Variants in KRT25 observed in about 807,000 individuals in gnomAD.
The protein encoded by KRT25 is keratin 25, also known as keratin, type I cytoskeletal 25.
A neutral mutation model predicts 47.6 loss-of-function variants in KRT25; 37 were observed. That is an observed-to-expected ratio of 0.78 (90% CI 0.60 to 1.02). The LOEUF (loss-of-function observed/expected upper bound fraction) is 1.02. KRT25 is among the 50% of genes least tolerant of loss of function. The probability of loss-of-function intolerance (pLI) is 0.00; values close to 1 mark genes in which losing one functional copy is unlikely to be tolerated. For missense variants in KRT25, 542 were observed against 550.3 expected (o/e 0.98, Z 0.15); for synonymous variants, 203 against 210.2 (o/e 0.97, Z 0.30).
chr17:40,751,306 G>C lies in KRT25; in HGVS notation c.690C>G (p.Cys230Trp), dbSNP rs778923702. The C allele has an allele frequency of 7.4e-6, 12 of 1,612,512 alleles. No homozygotes were observed. The highest frequency in any genetic ancestry group is 9.3e-6 in the Non-Finnish European group (11 of 1,179,276). ...NHKEEMQVLQ[C>W]AAGGNVNVEM... ...CCACGTTCACGTTGCCTCCAGCTGC[G>C]CACTGCAGAACTTGCATTTCCTAGA... Residue 230 changes from cysteine (C) to tryptophan (W), a missense_variant, in exon 4 of 8, where the codon TGC becomes TGG. Physicochemically the swap from Cys to Trp is radical, Grantham distance 215. Coordinates refer to ENST00000312150, the MANE Select transcript of KRT25 (RefSeq NM_181534.4).
chr17:40,752,746 A>G (rs1435014097), intron 3 of KRT25, among the ~76,000 whole-genome samples: 1 of 152,194 alleles, frequency 6.6e-6, no homozygotes, highest in Non-Finnish European at 1.5e-5. Flanking sequence ...GAATCCACGT[A>G]GTCAAATCAA....
At position 40,750,997 on chromosome 17, in the gene KRT25, G is replaced by A. The variant is rs147568694; in HGVS notation, c.914C>T (p.Thr305Ile). The A allele has an allele frequency of 6.2e-7, 1 of 1,614,072 alleles. No homozygotes were observed. Among genetic ancestry groups the A allele is most frequent in the African/African-American group, 1.3e-5 (1 of 74,916 alleles). The change falls in exon 5 of 8, where the codon ACT (threonine) becomes ATT (isoleucine). Residue 305 changes from threonine (T) to isoleucine (I), a missense_variant. Thr to Ile is a moderately conservative substitution (Grantham distance 89). Coordinates refer to ENST00000312150, the MANE Select transcript of KRT25 (RefSeq NM_181534.4). ...ARNELTEMKR[T>I]LQTLEIELQS... ...AAGTTCAATTTCCAGGGTTTGAAGA[G>A]TGCGCTTCATTTCAGTCAGCTCATT...
In KRT25 at chr17:40,750,409, G is replaced by A; in HGVS notation, c.1146C>T (p.Thr382=). Residue 382 remains threonine, a synonymous_variant, in exon 6 of 8, where the codon ACC becomes ACT. Transcript: ENST00000312150. The part of the protein sequence containing the change: ...IKLHLEKEIE[T]YCLLIGGDDG... ...CATCTCCTCCTATAAGGAGACAGTA[G>A]GTCTCAATTTCTTTTTCCAGGTGGA... 1 of 1,613,854 alleles carries A rather than the reference G, an allele frequency of 6.2e-7. No homozygotes were observed. Among genetic ancestry groups the A allele is most frequent in the Non-Finnish European group, 8.5e-7 (1 of 1,179,828 alleles).
rs780150572 is a variant in KRT25 at position 40,751,050 on chromosome 17, C to T, written c.861G>A (p.Glu287=). ...KSASLQQQIS[E]DVGATTSARN... is the part of the protein sequence containing the mutation. The stretch of plus-strand genomic sequence containing the variant: ...GGGCTGAGGTTGTGGCTCCGACATC[C>T]TCAGAGATCTGCTGCTGCAGGGAGG... The change falls in exon 5 of 8, where the codon GAG becomes GAA. Residue 287 remains glutamate, a synonymous_variant. Coordinates refer to ENST00000312150, the MANE Select transcript of KRT25 (RefSeq NM_181534.4). 19 of 1,614,158 alleles carry T rather than the reference C, an allele frequency of 1.2e-5. No homozygotes were observed. Among genetic ancestry groups the T allele is most frequent in the Admixed American group, 1.7e-5 (1 of 60,026 alleles).
At chr17:40,750,619 A>G in intron 5 of KRT25, 22 bp from the exon 6 acceptor site, 1 of 1,613,166 alleles carries the variant, frequency 6.2e-7, no homozygotes, top group South Asian at 1.1e-5. Context: ...CAATAAAGAG[A>G]ACTTGAAATG....
intron 3 of KRT25, among the ~76,000 whole-genome samples, chr17:40,752,862 T>C (rs2038062855): frequency 1.3e-5 from 2 of 152,224 alleles, no homozygotes; most frequent in South Asian, 4.1e-4. Context: ...AGAAGTCTTT[T>C]GGCTATTTAA....
chr17:40,750,783 A>G (rs1448230317), intron 5 of KRT25, among the ~76,000 whole-genome samples, 171 bp downstream of exon 5: 1 of 152,218 alleles, frequency 6.6e-6, no homozygotes, highest in Non-Finnish European at 1.5e-5. Flanking sequence ...GAATAAACCT[A>G]AAGACATTCG....
In KRT25 at chr17:40,749,265, T is replaced by C; in HGVS notation, c.1236A>G (p.Gln412=). 6.2e-7 allele frequency: 1 copy of C among 1,611,998 alleles called. No homozygotes were observed. Residue 412 remains glutamine, a synonymous_variant, in exon 7 of 8, where the codon CAA becomes CAG. Coordinates refer to ENST00000312150, the MANE Select transcript of KRT25 (RefSeq NM_181534.4). ...KDYGSGNVGS[Q]VKDPAKAIVV... ...AGATTTCATTTTAATTACCTTTGAC[T>C]TGACTTCCCACATTTCCAGATCCAT...
At position 40,748,237 on chromosome 17, in the gene KRT25, G is replaced by A. The variant is rs377688120; in HGVS notation, c.*40C>T. On this transcript the variant is annotated 3_prime_UTR_variant, in exon 8 of 8. Transcript: ENST00000312150. The stretch of plus-strand genomic sequence containing the variant: ...GACAGATACATAATGCCTTTTCTTC[G>A]CAGGGGCTATGTGGCATACGTTCTC... 1.6e-4 allele frequency: 211 copies of A among 1,322,342 alleles called. 1 individual carries two copies. The highest frequency in any genetic ancestry group is 2.8e-4 in the South Asian group (22 of 77,390). The allele number at this position is 1,322,342 out of a possible 1,614,324, so 81.9% of individuals were successfully genotyped here. A position where few individuals can be genotyped will look rare whatever the true frequency, so the allele number is the denominator to read the frequency against.
At chr17:40,754,296 T>C (rs937211646) in intron 2 of KRT25, 90 bp downstream of exon 2, 1 of 1,076,516 alleles carries the variant, frequency 9.3e-7, no homozygotes, top group South Asian at 1.3e-5. Flanking sequence ...AATTCAAGTG[T>C]TTTATAATTT....
At position 40,751,163 on chromosome 17, in the gene KRT25, A is replaced by G; in HGVS notation, c.831+2T>C. 6.2e-7 allele frequency: 1 copy of G among 1,613,998 alleles called. No homozygotes were observed. Among genetic ancestry groups the G allele is most frequent in the South Asian group, 1.1e-5 (1 of 91,068 alleles). ...AGGGACCGTTTTCTGGAGGAGAGTC[A>G]CCTTCTCGTTGAACCAGGCCTCCGC... On this transcript the variant is annotated splice_donor_variant, in intron 4 of 7. Coordinates refer to ENST00000312150, the MANE Select transcript of KRT25 (RefSeq NM_181534.4). LOFTEE classifies it high-confidence loss of function.
chr17:40,754,344 A>C (rs2038083983), intron 2 of KRT25, 42 bp downstream of exon 2: 4 of 1,496,340 alleles, frequency 2.7e-6, no homozygotes, highest in East Asian at 2.3e-5. Context: ...AATGCGTTGC[A>C]TGAATTGCCA....
intron 4 of KRT25, 38 bp downstream of exon 4, chr17:40,751,127 G>C (rs371155099): frequency 2.5e-5 from 41 of 1,613,976 alleles, no homozygotes; most frequent in Non-Finnish European, 3.0e-5. Flanking sequence ...GTGAATACCA[G>C]TAACATGCAA....
At chr17:40,755,393 C>T (rs965616311), upstream of KRT25, 2 of 898,262 alleles carry the variant, frequency 2.2e-6, no homozygotes, top group Non-Finnish European at 3.3e-6. Context: ...GAATGAAATT[C>T]TGCCTACACA....
chr17:40,754,868 G>T lies in KRT25; in HGVS notation c.404C>A (p.Pro135Gln), dbSNP rs1475497881. 2 of 1,612,726 alleles carry T rather than the reference G, an allele frequency of 1.2e-6. No homozygotes were observed. Among genetic ancestry groups the T allele is most frequent in the Admixed American group, 1.7e-5 (1 of 59,848 alleles). ...GLDHDYSRYF[P>Q]IIDDLKNQII... ...CTGATTTTTAAGGTCATCAATTATT[G>T]GGAAATATCTGCTATAGTCATGATC... Residue 135 changes from proline to glutamine, a missense_variant, in exon 1 of 8, where the codon CCA becomes CAA. Coordinates refer to ENST00000312150, the MANE Select transcript of KRT25 (RefSeq NM_181534.4).
At chr17:40,749,678 A>G (rs940457994) in intron 6 of KRT25, among the ~76,000 whole-genome samples, 1 of 152,180 alleles carries the variant, frequency 6.6e-6, no homozygotes, top group Non-Finnish European at 1.5e-5. Flanking sequence ...ATAGCTGTGT[A>G]AGGATTTACA....
chr17:40,752,056 T>G (rs193183196), intron 3 of KRT25, among the ~76,000 whole-genome samples: 4 of 152,238 alleles, frequency 2.6e-5, no homozygotes, highest in African/African-American at 9.6e-5. Flanking sequence ...CTAGTGAGTT[T>G]GGGAAAGTTG....
At chr17:40,752,278 C>T (rs1350075729) in intron 3 of KRT25, among the ~76,000 whole-genome samples, 1 of 151,966 alleles carries the variant, frequency 6.6e-6, no homozygotes, top group Non-Finnish European at 1.5e-5. Flanking sequence ...TACATGTTAC[C>T]CTGTCTGAAC....
intron 3 of KRT25, among the ~76,000 whole-genome samples, chr17:40,753,640 C>T (rs1461326266): frequency 1.6e-5 from 2 of 127,932 alleles, no homozygotes; most frequent in Admixed American, 2.0e-4. Context: ...GCCAAGATCG[C>T]ACCATTGCAC....
Sources: gnomAD v4.1 joint callset for allele counts (sites outside exome capture counted in the v4.1 genomes callset) on GRCh38, gnomAD v4.1.1 for gene constraint, MANE v1.5 for transcripts, NCBI Gene and HGNC (gene_info 2026-07-23, HGNC 2026-07-21) for gene names.